CHCHD3: variants seen among roughly 807,000 people sequenced by gnomAD.
CHCHD3 encodes the protein MICOS complex subunit MIC19.
A neutral mutation model predicts 38.2 loss-of-function variants in CHCHD3; 20 were observed. That is an observed-to-expected ratio of 0.52 (90% CI 0.37 to 0.76). CHCHD3 has a LOEUF of 0.76. Among genes scored for constraint, CHCHD3 ranks in the 30% least tolerant of loss-of-function variants. The pLI is 0.00. For missense variants in CHCHD3, 245 were observed against 279.2 expected, an observed-to-expected ratio of 0.88 and a Z score of 0.87; for synonymous variants, 82 against 100.0, an observed-to-expected ratio of 0.82 and a Z score of 1.07.
At chr7:132,924,240 G>A (rs1010564602) in intron 4 of CHCHD3, among the ~76,000 whole-genome samples, 10 of 152,118 alleles carry the variant, frequency 6.6e-5, no homozygotes, top group Non-Finnish European at 1.5e-4. Context: ...GCATCTTATG[G>A]AAATTTTGAA....
chr7:132,811,494 A>T (rs1807067902), intron 6 of CHCHD3, among the ~76,000 whole-genome samples: 1 of 152,218 alleles, frequency 6.6e-6, no homozygotes, highest in African/African-American at 2.4e-5. Flanking sequence ...ATGTTGTTGG[A>T]AGCACAGCTC....
intron 4 of CHCHD3, among the ~76,000 whole-genome samples, chr7:132,952,266 A>G (rs978602375): frequency 6.6e-6 from 1 of 152,248 alleles, no homozygotes; most frequent in Non-Finnish European, 1.5e-5. Context: ...AAAAATACAC[A>G]TGCCTAGGTC....
chr7:132,941,764 G>A lies in CHCHD3; in HGVS notation c.369+33405C>T, dbSNP rs148662888. ...GGAGGCACGGAGCCATTTCTGAAAA[G>A]CACAGGACGGGATGGGAGATCAACA... On this transcript the variant is annotated intron_variant, in intron 4 of 7. Transcript: ENST00000262570. Among the ~76,000 whole-genome samples, 302 of 152,228 alleles carry A rather than the reference G, an allele frequency of 2.0e-3. 3 individuals carry two copies. Among genetic ancestry groups the A allele is most frequent in the African/African-American group, 7.1e-3 (295 of 41,550 alleles).
intron 2 of CHCHD3, among the ~76,000 whole-genome samples, chr7:133,053,317 C>G (rs1274043757): frequency 6.6e-6 from 1 of 152,156 alleles, no homozygotes; most frequent in East Asian, 1.9e-4. Context: ...TCAGAGCAAA[C>G]TCTTGGGTCA....
At chr7:132,908,139 G>A (rs1314881553) in intron 4 of CHCHD3, among the ~76,000 whole-genome samples, 1 of 152,046 alleles carries the variant, frequency 6.6e-6, no homozygotes, top group African/African-American at 2.4e-5. Context: ...AGGAAATTTG[G>A]GACAAATCAT....
rs572199234 is a variant in CHCHD3, at chr7:133,049,415, A to G, written c.169+20727T>C. On this transcript the variant is annotated intron_variant, in intron 2 of 7. Transcript: ENST00000262570. ...ATATTTTTAGACATGTGATTTTTTA[A>G]TTTATTGTAGGCAGACTTAATTAAA... is the stretch of plus-strand genomic sequence containing the variant. Among the ~76,000 whole-genome samples the G allele has an allele frequency of 8.5e-4, 130 of 152,342 alleles. 1 individual carries two copies. In the South Asian group the frequency reaches 0.025, roughly 30 times the overall value.
At chr7:132,944,958 T>G (rs915271606) in intron 4 of CHCHD3, among the ~76,000 whole-genome samples, 1 of 152,036 alleles carries the variant, frequency 6.6e-6, no homozygotes, top group African/African-American at 2.4e-5. Context: ...ATTGACTTTA[T>G]AGGCAGTTAC....
At position 133,035,688 on chromosome 7, in the gene CHCHD3, T is replaced by C. The variant is rs1384968517; in HGVS notation, c.170-11061A>G. On this transcript the variant is annotated intron_variant, in intron 2 of 7. Transcript: ENST00000262570. The surrounding 1 kb of genome is among the most constrained non-coding windows in gnomAD (Gnocchi z 4.7). ...TCCCCGCAGCTCCTCATTGCTCACA[T>C]AGTAGGCAATGGCGTTGCTCTCAAA... The C allele has an allele frequency of 3.1e-6, 5 of 1,613,274 alleles. No individual in the cohort carries two copies. The East Asian group carries it at 1.1e-4, about 36-fold the overall frequency.
chr7:132,921,190 T>A (rs921219376), intron 4 of CHCHD3, among the ~76,000 whole-genome samples: 5 of 152,164 alleles, frequency 3.3e-5, no homozygotes, highest in African/African-American at 1.2e-4. Flanking sequence ...TTGAGTAAAT[T>A]ATGGCTCCAA....
chr7:132,940,731 T>C (rs529984574), intron 4 of CHCHD3, among the ~76,000 whole-genome samples: 8 of 152,316 alleles, frequency 5.3e-5, no homozygotes, highest in African/African-American at 1.7e-4. Context: ...GTTTATTCCA[T>C]TGACTTGGGT....
chr7:132,851,679 T>C (rs1562885389), intron 5 of CHCHD3, among the ~76,000 whole-genome samples: 1 of 152,218 alleles, frequency 6.6e-6, no homozygotes, highest in South Asian at 2.1e-4. Context: ...AGAGTAACTG[T>C]TAAATTATTT....
intron 3 of CHCHD3, among the ~76,000 whole-genome samples, chr7:132,996,605 C>T (rs184103938): frequency 1.3e-5 from 2 of 152,322 alleles, no homozygotes; most frequent in African/African-American, 2.4e-5. Flanking sequence ...AAACTAATGT[C>T]GGCGTTGCTT....
chr7:132,819,275 T>C (rs1261016453), intron 6 of CHCHD3, among the ~76,000 whole-genome samples: 1 of 152,238 alleles, frequency 6.6e-6, no homozygotes. Flanking sequence ...TCCTCTAGTG[T>C]AAATTCAGAG....
intron 2 of CHCHD3, among the ~76,000 whole-genome samples, chr7:133,032,537 C>T (rs545244696): frequency 1.8e-4 from 28 of 152,256 alleles, no homozygotes; most frequent in East Asian, 1.4e-3. Flanking sequence ...TGGCATATTA[C>T]GCAAATAATG....
At chr7:132,984,551 G>A (rs1812030058) in intron 3 of CHCHD3, among the ~76,000 whole-genome samples, 1 of 146,618 alleles carries the variant, frequency 6.8e-6, no homozygotes, top group Non-Finnish European at 1.5e-5. Context: ...GAGCCCCTCT[G>A]CCTGGCTGCC....
At chr7:133,077,972 C>G (rs1400761361) in intron 1 of CHCHD3, among the ~76,000 whole-genome samples, 2 of 152,144 alleles carry the variant, frequency 1.3e-5, no homozygotes, top group East Asian at 3.9e-4. Flanking sequence ...TAGGTCCTTT[C>G]ATTGCTATTA....
intron 2 of CHCHD3, among the ~76,000 whole-genome samples, chr7:133,039,219 T>C (rs1005145957): frequency 2.8e-4 from 43 of 152,184 alleles, no homozygotes; most frequent in African/African-American, 9.9e-4. Context: ...TCTATCTCAA[T>C]AACAAATATC....
intron 5 of CHCHD3, among the ~76,000 whole-genome samples, chr7:132,871,920 A>G (rs1044272237): frequency 2.0e-5 from 3 of 152,226 alleles, no homozygotes; most frequent in African/African-American, 7.2e-5. Context: ...TACAAAACAA[A>G]CAAAAATAAA....
At chr7:133,053,624 T>C (rs1033434837) in intron 2 of CHCHD3, among the ~76,000 whole-genome samples, 3 of 152,160 alleles carry the variant, frequency 2.0e-5, no homozygotes, top group Non-Finnish European at 4.4e-5. Context: ...GTAGATTGTG[T>C]CTCCCTCCCA....
Sources: gnomAD v4.1 joint callset for allele counts (sites outside exome capture counted in the v4.1 genomes callset) on GRCh38, gnomAD v4.1.1 for gene constraint, Gnocchi (gnomAD v3.1) non-coding constraint, MANE v1.5 for transcripts, NCBI Gene and HGNC (gene_info 2026-07-23, HGNC 2026-07-21) for gene names.